HS3ST6: variants seen among roughly 807,000 people sequenced by gnomAD.
The protein encoded by HS3ST6 is heparan sulfate-glucosamine 3-sulfotransferase 6.
Under a neutral mutation model 11.0 loss-of-function variants are expected in HS3ST6, and 13 were observed. That is an observed-to-expected ratio of 1.18 (90% confidence interval 0.77 to 1.88). The LOEUF is 1.88. Among genes scored for constraint, HS3ST6 ranks in the 40% most tolerant of loss-of-function variants. The probability of loss-of-function intolerance (pLI) is 0.00; values close to 1 mark genes in which losing one functional copy is unlikely to be tolerated. For synonymous variants in HS3ST6, 232 were observed against 230.6 expected (o/e 1.01, Z -0.06); for missense variants, 541 against 494.4 (o/e 1.09, Z -0.89).
At chr16:1,917,010 G>A (rs138116416) in intron 1 of HS3ST6, among the ~76,000 whole-genome samples, 1,572 of 152,122 alleles carry the variant, frequency 0.01, 18 homozygotes, top group East Asian at 0.03. Context: ...TCAGAAGCGA[G>A]CCACCCTATT....
chr16:1,913,265 G>T (rs561287070), intron 1 of HS3ST6, among the ~76,000 whole-genome samples: 1 of 152,310 alleles, frequency 6.6e-6, no homozygotes, highest in African/African-American at 2.4e-5. Flanking sequence ...CCTAGATCTT[G>T]CAGGTTGCCA....
At chr16:1,917,708 G>A (rs1237430741) in intron 1 of HS3ST6, among the ~76,000 whole-genome samples, 1 of 152,186 alleles carries the variant, frequency 6.6e-6, no homozygotes, top group African/African-American at 2.4e-5. Context: ...CAAAGTTTCA[G>A]GGAATCCTAG....
chr16:1,916,679 G>A (rs1437154702), intron 1 of HS3ST6, among the ~76,000 whole-genome samples: 1 of 152,044 alleles, frequency 6.6e-6, no homozygotes, highest in Non-Finnish European at 1.5e-5. Context: ...GGGTGGCTCT[G>A]AAGTGTTTAC....
At position 1,912,002 on chromosome 16, in the gene HS3ST6, GC is replaced by G; in HGVS notation, c.616del (p.Ala206ProfsTer64). The G allele has an allele frequency of 6.5e-7, 1 of 1,532,776 alleles. No homozygotes were observed. The highest frequency in any genetic ancestry group is 8.8e-7 in the Non-Finnish European group (1 of 1,140,812). 94.9% of individuals were successfully genotyped at this position (1,532,776 alleles called of 1,614,324 possible). A position where few individuals can be genotyped will look rare whatever the true frequency, so the allele number is the denominator to read the frequency against. On this transcript the variant is annotated frameshift_variant, in exon 2 of 2. Transcript: ENST00000454677. LOFTEE classifies it low-confidence loss of function (END_TRUNC). The surrounding 1 kb of genome is among the most constrained non-coding windows in gnomAD (Gnocchi z 5.6). ...SKTPGLPSFR[A>X]LAFRHGLGPV... ...GCCCAGGCCGTGGCGGAAGGCCAGGGCGCGGAAGCTGGGCAGGCCCGGGGTC... is the reference window on the plus strand; with the variant it reads ...GCCCAGGCCGTGGCGGAAGGCCAGGGGCGGAAGCTGGGCAGGCCCGGGGTC...
rs572839597 is a variant in HS3ST6 at position 1,912,022 on chromosome 16, C to G, written c.597G>C (p.Pro199=). 5 of 1,526,736 alleles carry G rather than the reference C, an allele frequency of 3.3e-6. No individual in the cohort carries two copies. Among genetic ancestry groups the G allele is most frequent in the Non-Finnish European group, 4.4e-6 (5 of 1,138,668 alleles). 94.6% of individuals were successfully genotyped at this position (1,526,736 alleles called of 1,614,324 possible). The change falls in exon 2 of 2, where the codon CCG becomes CCC. Residue 199 remains proline, a synonymous_variant. Transcript: ENST00000454677. This position sits in a 1 kb window ranked among gnomAD's most constrained non-coding sequence, Gnocchi z 5.6. ...CCAGGGCGCGGAAGCTGGGCAGGCC[C>G]GGGGTCTTGGAGAGCGTCTGGGCGT... The part of the protein sequence containing the change: ...SDYAQTLSKT[P]GLPSFRALAF...
chr16:1,913,431 C>T (rs1035991995), intron 1 of HS3ST6, among the ~76,000 whole-genome samples: 13 of 152,332 alleles, frequency 8.5e-5, no homozygotes, highest in Admixed American at 6.5e-4. Context: ...GTGCCCAGCC[C>T]GGGCAGGCCC....
chr16:1,919,346 G>A (rs528976611), upstream of HS3ST6, among the ~76,000 whole-genome samples: 5 of 152,314 alleles, frequency 3.3e-5, no homozygotes, highest in Non-Finnish European at 5.9e-5. Context: ...TGGGACCTGC[G>A]GGGGCCGCTA....
At chr16:1,919,938 C>T (rs2429186), upstream of HS3ST6, among the ~76,000 whole-genome samples, 33,250 of 152,092 alleles carry the variant, frequency 0.22, 3,741 homozygotes, top group South Asian at 0.35. Context: ...TAGCTTGAAA[C>T]GGTATTGTTC....
Position 1,913,926 on chromosome 16 carries a change from G to A in HS3ST6, c.414-1721C>T, listed in dbSNP as rs150772455. 3.9e-5 allele frequency among the ~76,000 whole-genome samples: 6 copies of A among 152,302 alleles called. No homozygotes were observed. The East Asian group carries it at 5.8e-4, about 15-fold the overall frequency. ...CCCCACAACACCCACCATGAGCGGT[G>A]CAGAGTAGGGGTGGGCGGCACGGGA... On this transcript the variant is annotated intron_variant, in intron 1 of 1. Coordinates refer to ENST00000454677, the MANE Select transcript of HS3ST6 (RefSeq NM_001009606.4).
intron 1 of HS3ST6, among the ~76,000 whole-genome samples, chr16:1,915,329 G>A (rs1020821547): frequency 6.6e-6 from 1 of 152,204 alleles, no homozygotes; most frequent in Non-Finnish European, 1.5e-5. Flanking sequence ...AGGCTGGAGT[G>A]CAGTGGCACA....
At position 1,917,892 on chromosome 16, in the gene HS3ST6, G is replaced by A; in HGVS notation, c.413+19C>T. ...CCCCAGGAAGGCGCCGGTCAGGGCG[G>A]ACGGGCCAGGGTGCTCACCGGTACC... is the stretch of plus-strand genomic sequence containing the variant. On this transcript the variant is annotated intron_variant, in intron 1 of 1. Transcript: ENST00000454677. 2 of 1,389,712 alleles carry A rather than the reference G, an allele frequency of 1.4e-6. No individual in the cohort carries two copies. Among genetic ancestry groups the A allele is most frequent in the Non-Finnish European group, 1.9e-6 (2 of 1,067,694 alleles). The allele number at this position is 1,389,712 out of a possible 1,614,324, so 86.1% of individuals were successfully genotyped here.
rs764098722 is a variant in HS3ST6 at position 1,912,052 on chromosome 16, G to A, written c.567C>T (p.Ser189=). Residue 189 remains serine (S), a synonymous_variant, in exon 2 of 2, where the codon TCC becomes TCT. Transcript: ENST00000454677. This position sits in a 1 kb window ranked among gnomAD's most constrained non-coding sequence, Gnocchi z 5.6. ...TCTTGGAGAGCGTCTGGGCGTAGTC[G>A]GAGATGGCCCGGGTCACGGGGTTCC... ...VVRNPVTRAI[S]DYAQTLSKTP... 29 of 1,514,948 alleles carry A rather than the reference G, an allele frequency of 1.9e-5. No individual in the cohort carries two copies. Among genetic ancestry groups the A allele is most frequent in the South Asian group, 8.0e-5 (6 of 74,984 alleles). The allele number at this position is 1,514,948 out of a possible 1,614,324, so 93.8% of individuals were successfully genotyped here.
upstream of HS3ST6, among the ~76,000 whole-genome samples, chr16:1,918,677 T>A (rs2082944469): frequency 6.6e-6 from 1 of 150,926 alleles, no homozygotes; most frequent in African/African-American, 2.4e-5. This position sits in a 1 kb window ranked among gnomAD's most constrained non-coding sequence, Gnocchi z 6.0. Flanking sequence ...GCGGCGGCGG[T>A]GGCCGTTCGG....
In HS3ST6 at chr16:1,917,903, G is replaced by A. The variant is rs2082937146; in HGVS notation, c.413+8C>T. ...CGCCGGTCAGGGCGGACGGGCCAGG[G>A]TGCTCACCGGTACCAGGCGAGGCCG... On this transcript the variant is annotated splice_region_variant and intron_variant, in intron 1 of 1. Coordinates refer to ENST00000454677, the MANE Select transcript of HS3ST6 (RefSeq NM_001009606.4). The A allele has an allele frequency of 2.1e-6, 3 of 1,449,056 alleles. No homozygotes were observed. Among genetic ancestry groups the A allele is most frequent in the Admixed American group, 2.3e-5 (1 of 42,912 alleles). 89.8% of individuals were successfully genotyped at this position (1,449,056 alleles called of 1,614,324 possible).
upstream of HS3ST6, among the ~76,000 whole-genome samples, chr16:1,919,897 T>C (rs1175411355): frequency 6.6e-6 from 1 of 152,216 alleles, no homozygotes. Flanking sequence ...TGCTGGCTTA[T>C]GCTGGGTCAC....
upstream of HS3ST6, among the ~76,000 whole-genome samples, chr16:1,920,683 C>CA (rs11432926): frequency 2.0e-5 from 3 of 151,898 alleles, no homozygotes; most frequent in Admixed American, 2.0e-4. Flanking sequence ...GTGGAATGGA[C>CA]TGGGGACAGG....
At chr16:1,920,237 C>G (rs865886988), upstream of HS3ST6, among the ~76,000 whole-genome samples, 20 of 69,928 alleles carry the variant, frequency 2.9e-4, no homozygotes, top group South Asian at 7.1e-4. Flanking sequence ...GCCATCCCCA[C>G]GGTCTCAGGA....
chr16:1,911,842 C>G lies in HS3ST6; in HGVS notation c.777G>C (p.Glu259Asp), dbSNP rs1408929801. 1 of 1,612,020 alleles carries G rather than the reference C, an allele frequency of 6.2e-7. No homozygotes were observed. Among genetic ancestry groups the G allele is most frequent in the Non-Finnish European group, 8.5e-7 (1 of 1,179,006 alleles). ...CCAGGAAGTCCTGCACGCGGCCGAC[C>G]TCTCCGGCCGGGTCGCTGACCAGAC... ...GERLVSDPAG[E>D]VGRVQDFLGL... The change falls in exon 2 of 2, where the codon GAG becomes GAC. Residue 259 changes from glutamate to aspartate, a missense_variant. Physicochemically the swap from Glu to Asp is conservative, Grantham distance 45. Transcript: ENST00000454677.
intron 1 of HS3ST6, among the ~76,000 whole-genome samples, chr16:1,914,986 T>G (rs1372278936): frequency 2.6e-5 from 4 of 152,174 alleles, no homozygotes; most frequent in Non-Finnish European, 5.9e-5. Flanking sequence ...TCATCTGGTG[T>G]GCATTTCCCT....
Sources: allele counts gnomAD v4.1 joint callset (sites outside exome capture counted in the v4.1 genomes callset), GRCh38; gene constraint gnomAD v4.1.1; non-coding constraint Gnocchi (gnomAD v3.1); transcripts MANE v1.5; gene names NCBI Gene and HGNC (gene_info 2026-07-23, HGNC 2026-07-21).